The following RPL31 variants were observed in gnomAD, a reference collection of about 807,000 sequenced individuals.
RPL31 encodes large ribosomal subunit protein eL31.
For synonymous variants in RPL31, 51 were observed against 55.0 expected, an observed-to-expected ratio of 0.93 and a Z score of 0.32; for missense variants, 95 against 164.0, an observed-to-expected ratio of 0.58 and a Z score of 2.30.
intron 4 of RPL31, among the ~76,000 whole-genome samples, chr2:101,014,039 G>C (rs896330938): frequency 2.0e-5 from 3 of 152,180 alleles, no homozygotes; most frequent in Admixed American, 1.3e-4. Context: ...AGGATCTACT[G>C]TAAGAAAAAT....
chr2:101,014,398 A>G (rs969924581), intron 4 of RPL31, among the ~76,000 whole-genome samples: 2 of 152,190 alleles, frequency 1.3e-5, no homozygotes, highest in Non-Finnish European at 2.9e-5. Flanking sequence ...ACTGGAGCTG[A>G]TATCAGGACT....
downstream of RPL31, chr2:101,007,849 T>TGTG: frequency 6.2e-7 from 1 of 1,613,266 alleles, no homozygotes. Context: ...AAGTTCAGAT[T>TGTG]GTGATTGGTG....
intron 4 of RPL31, chr2:101,018,938 G>A: frequency 3.2e-6 from 5 of 1,586,588 alleles, no homozygotes; most frequent in Non-Finnish European, 4.3e-6. Context: ...CTTCTGGAAT[G>A]CTCTTCGTCT....
downstream of RPL31, among the ~76,000 whole-genome samples, chr2:101,009,487 G>T (rs77242159): frequency 0.019 from 2,954 of 151,618 alleles, 104 homozygotes; most frequent in African/African-American, 0.069. Context: ...TGGTTATTCT[G>T]AAAGGAAACC....
downstream of RPL31, among the ~76,000 whole-genome samples, chr2:101,009,774 G>A (rs940190877): frequency 5.9e-5 from 9 of 151,852 alleles, no homozygotes; most frequent in African/African-American, 2.2e-4. Flanking sequence ...CTCTTGAAGG[G>A]TCGTAGTCCA....
At chr2:101,017,728 T>C (rs1679760311) in intron 4 of RPL31, 12 of 972,506 alleles carry the variant, frequency 1.2e-5, no homozygotes, top group Admixed American at 2.4e-5. Context: ...CATCACTTTA[T>C]CACAGGCAAG....
At chr2:101,015,068 G>A (rs956831177) in intron 4 of RPL31, among the ~76,000 whole-genome samples, 4 of 152,146 alleles carry the variant, frequency 2.6e-5, no homozygotes, top group Non-Finnish European at 4.4e-5. Context: ...GGACTTACAC[G>A]AACCTAGATG....
At chr2:101,015,671 T>A (rs1281556492) in intron 4 of RPL31, among the ~76,000 whole-genome samples, 1 of 152,202 alleles carries the variant, frequency 6.6e-6, no homozygotes, top group African/African-American at 2.4e-5. Context: ...GACTTCAAAC[T>A]ATACTACAAG....
At chr2:101,004,394 TAA>T (rs34386800) in intron 3 of RPL31, 111 bp downstream of exon 3, 4,624 of 904,100 alleles carry the variant, frequency 5.1e-3, no homozygotes, top group Non-Finnish European at 5.7e-3. Flanking sequence ...TGTGGAAGTA[TAA>T]AAAAAAAAAA....
intron 4 of RPL31, among the ~76,000 whole-genome samples, chr2:101,017,398 T>G (rs991586843): frequency 2.0e-5 from 3 of 152,244 alleles, no homozygotes; most frequent in African/African-American, 4.8e-5. Context: ...TATGCTATAC[T>G]TTTATACAAC....
At chr2:101,011,505 A>G, downstream of RPL31, 1 of 1,614,046 alleles carries the variant, frequency 6.2e-7, no homozygotes, top group Non-Finnish European at 8.5e-7. Flanking sequence ...GGATTCCTCA[A>G]CGGCGACTGG....
intron 1 of RPL31, 49 bp downstream of exon 1, chr2:101,002,364 C>T (rs570173418): frequency 3.3e-4 from 91 of 273,184 alleles, no homozygotes; most frequent in African/African-American, 1.9e-3. Flanking sequence ...GCCCCATCCT[C>T]CTTTGGGATT....
chr2:101,007,647 A>G, downstream of RPL31: 3 of 659,796 alleles, frequency 4.5e-6, no homozygotes, highest in South Asian at 3.9e-5. Context: ...TTCTCAATAC[A>G]TAGAAATGCT....
rs1291181841 is a variant in RPL31 at position 101,004,047 on chromosome 2, C to T, written c.108-111C>T. The T allele has an allele frequency of 1.7e-5, 21 of 1,244,972 alleles. No individual in the cohort carries two copies. In the East Asian group the frequency reaches 3.2e-4, roughly 19 times the overall value. 77.1% of individuals were successfully genotyped at this position (1,244,972 alleles called of 1,614,324 possible). A position where few individuals can be genotyped will look rare whatever the true frequency, so the allele number is the denominator to read the frequency against. On this transcript the variant is annotated intron_variant, in intron 2 of 4. Coordinates refer to ENST00000264258, the MANE Select transcript of RPL31 (RefSeq NM_000993.5). Reference sequence around the variant, plus strand: ...AAAAACTTGGTTTTGTTACATAAGACATTGCTTAAAGTCAGTTTCCAGGAG... The same window carrying T: ...AAAAACTTGGTTTTGTTACATAAGATATTGCTTAAAGTCAGTTTCCAGGAG...
rs770287463 is a variant in RPL31 at position 101,004,154 on chromosome 2, G to T, written c.108-4G>T. 1 of 1,613,018 alleles carries T rather than the reference G, an allele frequency of 6.2e-7. No homozygotes were observed. ...TAATTTGTTCACTTATGTTTGAATCGTAGGGGCTTCAAGAAGCGTGCACCT... is the reference window on the plus strand; with the variant it reads ...TAATTTGTTCACTTATGTTTGAATCTTAGGGGCTTCAAGAAGCGTGCACCT... On this transcript the variant is annotated splice_region_variant and splice_polypyrimidine_tract_variant and intron_variant, in intron 2 of 4. Coordinates refer to ENST00000264258, the MANE Select transcript of RPL31 (RefSeq NM_000993.5).
chr2:101,007,799 G>A (rs1025531538), downstream of RPL31: 21 of 1,606,718 alleles, frequency 1.3e-5, no homozygotes, highest in Non-Finnish European at 1.8e-5. Context: ...GGACTCCAGT[G>A]TGCATAGCAG....
At chr2:101,018,509 C>T (rs1679821305) in intron 4 of RPL31, among the ~76,000 whole-genome samples, 1 of 152,212 alleles carries the variant, frequency 6.6e-6, no homozygotes, top group African/African-American at 2.4e-5. Flanking sequence ...AAGGAAACTT[C>T]TATTCCTTCA....
At chr2:101,007,662 G>T, downstream of RPL31, 2 of 702,110 alleles carry the variant, frequency 2.8e-6, no homozygotes, top group East Asian at 2.5e-5. Flanking sequence ...AATGCTTGAG[G>T]GTTGTGTCGG....
intron 3 of RPL31, chr2:101,004,782 A>T (rs1678658681): frequency 6.4e-6 from 1 of 156,408 alleles, no homozygotes; most frequent in South Asian, 2.0e-4. Context: ...CCTACAACTC[A>T]TGGGGCTGCT....
Sources: gnomAD v4.1 joint callset for allele counts (sites outside exome capture counted in the v4.1 genomes callset) on GRCh38, gnomAD v4.1.1 for gene constraint, MANE v1.5 for transcripts, NCBI Gene and HGNC (gene_info 2026-07-23, HGNC 2026-07-21) for gene names.